Variants in NOP56 observed in about 807,000 individuals in gnomAD.
NOP56 encodes nucleolar protein 56.
In NOP56, 31 loss-of-function variants were observed where a neutral mutation model predicts 58.3. That is an observed-to-expected ratio of 0.53 (90% CI 0.40 to 0.72). The LOEUF is 0.72. NOP56 is among the 30% of genes least tolerant of loss of function. The pLI is 0.00. For synonymous variants in NOP56, 313 were observed against 282.8 expected (o/e 1.11, Z -1.07); for missense variants, 669 against 739.9 (o/e 0.90, Z 1.11).
In NOP56 at chr20:2,654,547, T is replaced by G. The variant is rs761393430; in HGVS notation, c.342T>G (p.Thr114=). The G allele has an allele frequency of 1.2e-6, 2 of 1,614,218 alleles. No homozygotes were observed. The highest frequency in any genetic ancestry group is 1.1e-5 in the South Asian group (1 of 91,086). The change falls in exon 4 of 12, where the codon ACT becomes ACG. Residue 114 remains threonine, a synonymous_variant. Coordinates refer to ENST00000329276, the MANE Select transcript of NOP56 (RefSeq NM_006392.4). The part of the protein sequence containing the change: ...IQEELGYNCQ[T]GGVIAEILRG... Reference sequence around the variant, plus strand: ...AGGAGTTAGGGTACAACTGCCAGACTGGAGGAGTCATAGCTGAGATCCTGC... The same window carrying G: ...AGGAGTTAGGGTACAACTGCCAGACGGGAGGAGTCATAGCTGAGATCCTGC...
chr20:2,658,197 C>T lies in NOP56; in HGVS notation c.1688C>T (p.Ser563Phe), dbSNP rs901085164. The change falls in exon 12 of 12, where the codon TCC (serine) becomes TTC (phenylalanine). Residue 563 changes from serine to phenylalanine, a missense_variant. Coordinates refer to ENST00000329276, the MANE Select transcript of NOP56 (RefSeq NM_006392.4). ...GGCTCCAAGAAAAAGAGGAAATTCT[C>T]CAAAGAGGAGCCGGTCAGCAGTGGG... ...RSGSKKKRKF[S>F]KEEPVSSGPE... 4 of 1,608,022 alleles carry T rather than the reference C, an allele frequency of 2.5e-6. No homozygotes were observed. The African/African-American group carries it at 4.0e-5, about 16-fold the overall frequency.
rs1441169958 is a variant in NOP56 at position 2,655,851 on chromosome 20, G to A, written c.910-83G>A. 2.5e-6 allele frequency: 4 copies of A among 1,608,672 alleles called. No individual in the cohort carries two copies. In the African/African-American group the frequency reaches 4.0e-5, roughly 16 times the overall value. On this transcript the variant is annotated intron_variant, in intron 7 of 11. Coordinates refer to ENST00000329276, the MANE Select transcript of NOP56 (RefSeq NM_006392.4). ...CATGTCTTCCCTAGTTGTGCTTGAT[G>A]GGGAGGTGGGGAGCAGGGCTGTCGT...
Position 2,656,858 on chromosome 20 carries a change from G to C in NOP56, c.1244G>C (p.Arg415Pro). The change falls in exon 10 of 12, where the codon CGA becomes CCA. Residue 415 changes from arginine to proline, a missense_variant. Transcript: ENST00000329276. The stretch of plus-strand genomic sequence containing the variant: ...TTCTATGAGACTGGAGAGATACCAC[G>C]AAAGAATCTGGATGTCATGAAGGAA... ...LSFYETGEIPRKNLDVMKEAM... is the reference protein window; with the variant it reads ...LSFYETGEIPPKNLDVMKEAM... 1 of 1,614,172 alleles carries C rather than the reference G, an allele frequency of 6.2e-7. No homozygotes were observed.
chr20:2,657,678 G>C, intron 11 of NOP56: 1 of 521,438 alleles, frequency 1.9e-6, no homozygotes, highest in Non-Finnish European at 3.4e-6. Flanking sequence ...TGATGGTTCT[G>C]TTGCGACCAG....
rs772229058 is a variant in NOP56, at chr20:2,656,038, C to T, written c.1010+4C>T. 3.7e-6 allele frequency: 6 copies of T among 1,613,992 alleles called. No individual in the cohort carries two copies. The Admixed American group carries it at 8.3e-5, about 22-fold the overall frequency. ...GGGCTGAAAAGGCCCTGTTCAGGTA[C>T]CAGTGAGGGCACCTGCCCACAATCA... On this transcript the variant is annotated splice_donor_region_variant and intron_variant, in intron 8 of 11. Transcript: ENST00000329276.
At chr20:2,653,191 G>C (rs2086773077) in intron 2 of NOP56, 88 bp from the exon 3 acceptor site, 3 of 1,095,396 alleles carry the variant, frequency 2.7e-6, no homozygotes, top group East Asian at 2.4e-5. Flanking sequence ...CATATTTTAA[G>C]AGCTTCCAAG....
At chr20:2,656,606 G>A (rs1410062463) in intron 9 of NOP56, 57 bp downstream of exon 9, 1 of 1,608,844 alleles carries the variant, frequency 6.2e-7, no homozygotes, top group African/African-American at 1.3e-5. Context: ...TGGGTGGGGA[G>A]GCTTGCAACC....
chr20:2,657,376 G>A (rs2086839195), intron 11 of NOP56, 158 bp downstream of exon 11: 3 of 1,076,766 alleles, frequency 2.8e-6, no homozygotes, highest in South Asian at 1.3e-5. Flanking sequence ...TCTATAGGAA[G>A]GAGATAGGTG....
Position 2,656,811 on chromosome 20 carries a change from A to G in NOP56, c.1197A>G (p.Glu399=). The change falls in exon 10 of 12, where the codon GAA becomes GAG. Residue 399 remains glutamate (E), a synonymous_variant. Transcript: ENST00000329276. ...PTSVFGEKLR[E]QVEERLSFYE... ...GTGTATTCGGGGAGAAGCTTCGAGA[A>G]CAAGTTGAAGAGCGACTGTCCTTCT... 1.2e-6 allele frequency: 2 copies of G among 1,614,166 alleles called. No homozygotes were observed. Among genetic ancestry groups the G allele is most frequent in the Non-Finnish European group, 1.7e-6 (2 of 1,180,042 alleles).
rs746998665 is a variant in NOP56, at chr20:2,653,404, C to T, written c.208+11C>T. On this transcript the variant is annotated intron_variant, in intron 3 of 11. Coordinates refer to ENST00000329276, the MANE Select transcript of NOP56 (RefSeq NM_006392.4). ...ACGCCGTGTCTGAAGGTAAGTCGGC[C>T]ACCGCCAAGTGTCACAGAGAGATGT... 6.2e-7 allele frequency: 1 copy of T among 1,603,342 alleles called. No homozygotes were observed. Among genetic ancestry groups the T allele is most frequent in the South Asian group, 1.1e-5 (1 of 90,892 alleles).
intron 8 of NOP56, 181 bp downstream of exon 8, chr20:2,656,215 G>T (rs2086815142): frequency 6.2e-7 from 1 of 1,604,802 alleles, no homozygotes; most frequent in Admixed American, 1.7e-5. Flanking sequence ...AAGTTTCCAG[G>T]TCAGCGACAT....
chr20:2,652,683 CGCGGG>C lies in NOP56; in HGVS notation c.3+21_3+25del. 2 of 670,366 alleles carry C rather than the reference CGCGGG, an allele frequency of 3.0e-6. No homozygotes were observed. The highest frequency in any genetic ancestry group is 8.1e-5 in the South Asian group (2 of 24,770). The allele number at this position is 670,366 out of a possible 1,614,324, so 41.5% of individuals were successfully genotyped here. ...GCCATGGTGAGGAGTGGTTGCGGGG[CGCGGG>C]CGACGCGACGGTGGGGGTTTCGGCC... On this transcript the variant is annotated intron_variant, in intron 1 of 11. Transcript: ENST00000329276.
chr20:2,655,569 T>G (rs1360273332), intron 6 of NOP56, 26 bp from the exon 7 acceptor site: 2 of 1,614,066 alleles, frequency 1.2e-6, no homozygotes, highest in African/African-American at 2.7e-5. Context: ...AGCTGGCCTC[T>G]TGCATTCACA....
chr20:2,655,154 G>C (rs1392745688), intron 5 of NOP56, 171 bp from the exon 6 acceptor site: 1 of 1,055,592 alleles, frequency 9.5e-7, no homozygotes, highest in East Asian at 2.4e-5. Flanking sequence ...ATACACCTCA[G>C]CTCAGGCCCT....
chr20:2,655,933 G>T lies in NOP56; in HGVS notation c.910-1G>T. On this transcript the variant is annotated splice_acceptor_variant, in intron 7 of 11. Coordinates refer to ENST00000329276, the MANE Select transcript of NOP56 (RefSeq NM_006392.4). LOFTEE classifies it high-confidence loss of function. ...GACTGCTTCCTTGACTCTCTCTCCAGGTAGGTGCACGTCTCATCGCACATG... is the reference window on the plus strand; with the variant it reads ...GACTGCTTCCTTGACTCTCTCTCCATGTAGGTGCACGTCTCATCGCACATG... The T allele has an allele frequency of 6.2e-7, 1 of 1,614,204 alleles. No individual in the cohort carries two copies. Among genetic ancestry groups the T allele is most frequent in the Non-Finnish European group, 8.5e-7 (1 of 1,180,032 alleles).
At position 2,657,931 on chromosome 20, in the gene NOP56, G is replaced by A. The variant is rs373324109; in HGVS notation, c.1422G>A (p.Glu474=). 29 of 1,582,686 alleles carry A rather than the reference G, an allele frequency of 1.8e-5. No homozygotes were observed. Among genetic ancestry groups the A allele is most frequent in the Non-Finnish European group, 2.5e-5 (29 of 1,164,404 alleles). The change falls in exon 12 of 12, where the codon GAG becomes GAA. Residue 474 remains glutamate, a splice_region_variant and synonymous_variant. Transcript: ENST00000329276. The part of the protein sequence containing the change: ...NSSSTPEECE[E]MSEKPKKKKK... ...TGTTCCCCTGTCCTTCCCTTTAGGA[G>A]ATGAGTGAAAAACCCAAAAAGAAGA... is the stretch of plus-strand genomic sequence containing the variant.
Position 2,653,276 on chromosome 20 carries a change from C to T in NOP56, c.94-3C>T, listed in dbSNP as rs888080663. On this transcript the variant is annotated splice_polypyrimidine_tract_variant and splice_region_variant and intron_variant, in intron 2 of 11. Transcript: ENST00000329276. ...AAACCACTTAGCCTCTTTCTCCCCC[C>T]AGGTGGAGGAGTCTGTGCTCAACCT... 1.2e-6 allele frequency: 2 copies of T among 1,611,044 alleles called. No homozygotes were observed. The highest frequency in any genetic ancestry group is 1.1e-5 in the South Asian group (1 of 91,002).
chr20:2,654,193 C>A (rs578105722), intron 3 of NOP56: 2 of 744,462 alleles, frequency 2.7e-6, no homozygotes, highest in African/African-American at 3.4e-5. Context: ...TGCAGTTGTT[C>A]CCATGGCTGG....
intron 11 of NOP56, chr20:2,657,527 G>C (rs988372199): frequency 7.0e-6 from 4 of 571,038 alleles, no homozygotes; most frequent in African/African-American, 5.6e-5. Context: ...TCAGACGTGT[G>C]TCCGGAGGTG....
Sources: allele counts gnomAD v4.1 joint callset, GRCh38; gene constraint gnomAD v4.1.1; transcripts MANE v1.5; gene names NCBI Gene and HGNC (gene_info 2026-07-23, HGNC 2026-07-21).